The following DISC1 variants were observed in gnomAD, a reference collection of about 807,000 sequenced individuals.
DISC1 encodes disrupted in schizophrenia 1 protein.
In DISC1, 57 loss-of-function variants were observed where a neutral mutation model predicts 84.5. The ratio of observed to expected loss-of-function variants is 0.67; its 90% CI spans 0.55 to 0.84. The LOEUF is 0.84. Among genes scored for constraint, DISC1 ranks in the 40% least tolerant of loss-of-function variants. The pLI, the probability that DISC1 is intolerant of heterozygous loss-of-function variation, is 0.00. For synonymous variants in DISC1, 411 were observed against 415.2 expected, an observed-to-expected ratio of 0.99 and a Z score of 0.12; for missense variants, 1,000 against 1,057.8, an observed-to-expected ratio of 0.95 and a Z score of 0.76.
At chr1:231,812,032 C>T (rs1235197034) in intron 8 of DISC1, among the ~76,000 whole-genome samples, 2 of 152,086 alleles carry the variant, frequency 1.3e-5, no homozygotes, top group African/African-American at 2.4e-5. Flanking sequence ...GTTCAAAATG[C>T]CCCAGGTGCT....
At chr1:231,685,072 T>C (rs2064108834) in intron 1 of DISC1, 1 of 152,210 alleles carries the variant, frequency 6.6e-6, no homozygotes. Flanking sequence ...CGTTGGTGAA[T>C]GTGATGGCAG....
intron 9 of DISC1, among the ~76,000 whole-genome samples, chr1:231,882,694 G>C (rs1188687048): frequency 1.3e-5 from 2 of 152,100 alleles, no homozygotes; most frequent in African/African-American, 2.4e-5. Context: ...TTTAATCACT[G>C]TCCCTAGTCA....
chr1:231,815,588 A>C (rs2080864420), intron 8 of DISC1, among the ~76,000 whole-genome samples: 1 of 152,104 alleles, frequency 6.6e-6, no homozygotes, highest in African/African-American at 2.4e-5. Flanking sequence ...AAATACAAAA[A>C]TTAACTGGGC....
At chr1:231,691,850 G>C (rs1167138797) in intron 1 of DISC1, among the ~76,000 whole-genome samples, 1 of 152,196 alleles carries the variant, frequency 6.6e-6, no homozygotes, top group East Asian at 1.9e-4. Context: ...TGCTGCCCCT[G>C]CCGGTCGGGC....
intron 1 of DISC1, among the ~76,000 whole-genome samples, chr1:231,693,131 C>T (rs1053635518): frequency 6.6e-6 from 1 of 152,232 alleles, no homozygotes; most frequent in Non-Finnish European, 1.5e-5. Context: ...ACACAACCAG[C>T]AAGTGGTACA....
At chr1:231,666,886 G>A (rs2062076099) in intron 1 of DISC1, among the ~76,000 whole-genome samples, 1 of 152,144 alleles carries the variant, frequency 6.6e-6, no homozygotes, top group Admixed American at 6.5e-5. Context: ...TCTCAGAGAG[G>A]GCCTTGTTCT....
At chr1:231,866,457 A>G in intron 9 of DISC1, 1 of 771,518 alleles carries the variant, frequency 1.3e-6, no homozygotes, top group Non-Finnish European at 2.4e-6. Context: ...ACCAACAGCT[A>G]ACACTTATTA....
intron 9 of DISC1, among the ~76,000 whole-genome samples, chr1:231,896,649 C>T (rs1317543752): frequency 1.3e-5 from 2 of 152,116 alleles, no homozygotes; most frequent in Non-Finnish European, 2.9e-5. Context: ...GGCTCAGGGA[C>T]CCAAAATATC....
intron 10 of DISC1, among the ~76,000 whole-genome samples, chr1:231,972,413 G>A (rs1407658925): frequency 6.6e-6 from 1 of 152,328 alleles, no homozygotes; most frequent in East Asian, 1.9e-4. Context: ...TCAACTGGAA[G>A]AGTTTAGTCA....
chr1:231,886,801 TTCTTTCTTTC>T (rs2086772287), intron 9 of DISC1, among the ~76,000 whole-genome samples: 1 of 143,604 alleles, frequency 7.0e-6, no homozygotes. Flanking sequence ...CTTTCTTTCT[TTCTTTCTTTC>T]TTTCTTTCTT....
chr1:231,677,341 A>T (rs1021824826), intron 1 of DISC1, among the ~76,000 whole-genome samples: 3 of 152,196 alleles, frequency 2.0e-5, no homozygotes, highest in Non-Finnish European at 4.4e-5. Context: ...TGATGAACAG[A>T]TTTTCCTCCC....
In DISC1 at chr1:231,664,090, G is replaced by A. The variant is rs115421508; in HGVS notation, c.68-29736G>A. On this transcript the variant is annotated intron_variant, in intron 1 of 12. Coordinates refer to ENST00000439617, the MANE Select transcript of DISC1 (RefSeq NM_018662.3). ...TCCATCCATCCATCCGTCTATCTATGTCTAGCTTGACCATCACAACAGTCT... is the reference window on the plus strand; with the variant it reads ...TCCATCCATCCATCCGTCTATCTATATCTAGCTTGACCATCACAACAGTCT... Among the ~76,000 whole-genome samples, 429 of 149,550 alleles carry A rather than the reference G, an allele frequency of 2.9e-3. 7 individuals carry two copies. The highest frequency in any genetic ancestry group is 9.8e-3 in the East Asian group (50 of 5,114).
chr1:231,872,298 A>G (rs1186006651), intron 9 of DISC1, among the ~76,000 whole-genome samples: 1 of 152,132 alleles, frequency 6.6e-6, no homozygotes, highest in Non-Finnish European at 1.5e-5. Flanking sequence ...AAAAAAATGT[A>G]TGTGTCATGT....
At chr1:231,855,171 A>G in intron 9 of DISC1, 2 of 1,008,876 alleles carry the variant, frequency 2.0e-6, no homozygotes, top group Non-Finnish European at 2.4e-6. Context: ...GTGAATCTTT[A>G]AATTTGTGAA....
At chr1:232,006,992 G>A (rs1232660376) in intron 10 of DISC1, among the ~76,000 whole-genome samples, 1 of 152,210 alleles carries the variant, frequency 6.6e-6, no homozygotes, top group African/African-American at 2.4e-5. Context: ...GAGGGTCCAA[G>A]CCCCAAGCCT....
chr1:231,907,008 CTCT>C (rs2088723334), intron 9 of DISC1, among the ~76,000 whole-genome samples: 1 of 150,706 alleles, frequency 6.6e-6, no homozygotes, highest in South Asian at 2.1e-4. Flanking sequence ...CTTTCTCTCT[CTCT>C]TTCTTTTTCT....
Position 231,693,983 on chromosome 1 carries a change from G to A in DISC1, c.225G>A (p.Glu75=). Residue 75 remains glutamate (E), a synonymous_variant, in exon 2 of 13, where the codon GAG becomes GAA. Coordinates refer to ENST00000439617, the MANE Select transcript of DISC1 (RefSeq NM_018662.3). ...TCCCAGGAGGGGTGTCTGGCGAGGA[G>A]TCCCACCACTCGGAGTCCAGGGCCA... ...FRFPGGVSGE[E]SHHSESRARQ... The A allele has an allele frequency of 6.2e-7, 1 of 1,614,100 alleles. No individual in the cohort carries two copies. Among genetic ancestry groups the A allele is most frequent in the Non-Finnish European group, 8.5e-7 (1 of 1,179,972 alleles).
intron 3 of DISC1, among the ~76,000 whole-genome samples, chr1:231,710,650 C>T (rs868639642): frequency 1.8e-4 from 27 of 152,174 alleles, no homozygotes; most frequent in Admixed American, 1.3e-3. Context: ...TGAGGCCTGT[C>T]TCTTTGGCTT....
intron 10 of DISC1, among the ~76,000 whole-genome samples, chr1:231,993,474 G>A (rs1665498796): frequency 6.6e-6 from 1 of 152,074 alleles, no homozygotes; most frequent in Admixed American, 6.6e-5. Context: ...ATGTGGAGTA[G>A]TACTGGAAAT....
Sources: gnomAD v4.1 joint callset for allele counts (sites outside exome capture counted in the v4.1 genomes callset) on GRCh38, gnomAD v4.1.1 for gene constraint, MANE v1.5 for transcripts, NCBI Gene and HGNC (gene_info 2026-07-23, HGNC 2026-07-21) for gene names.